The following MOB1B variants were observed in gnomAD, a reference collection of about 807,000 sequenced individuals.
MOB1B encodes MOB1 Mps One Binder homolog B.
A neutral mutation model predicts 24.4 loss-of-function variants in MOB1B; 19 were observed. The ratio of observed to expected loss-of-function variants is 0.78; its 90% CI spans 0.54 to 1.14. MOB1B has a LOEUF of 1.14. Ranked by LOEUF, MOB1B falls within the 50% of genes most tolerant of loss-of-function variation. The probability of loss-of-function intolerance (pLI) is 0.00; values close to 1 mark genes in which losing one functional copy is unlikely to be tolerated. For missense variants in MOB1B, 243 were observed against 259.6 expected (o/e 0.94, Z 0.44); for synonymous variants, 76 against 82.1 (o/e 0.93, Z 0.40).
rs1242105533 is a variant in MOB1B, at chr4:70,982,686, T to A, written c.*629T>A. On this transcript the variant is annotated 3_prime_UTR_variant, in exon 6 of 6. Coordinates refer to ENST00000309395, the MANE Select transcript of MOB1B (RefSeq NM_173468.4). ...TATTTTTTATATTGATGGTAATATATTACGTTCAACAATGCTTAAAGCTCT... is the reference window on the plus strand; with the variant it reads ...TATTTTTTATATTGATGGTAATATAATACGTTCAACAATGCTTAAAGCTCT... 6.6e-6 allele frequency: 1 copy of A among 152,624 alleles called. No individual in the cohort carries two copies. Among genetic ancestry groups the A allele is most frequent in the Non-Finnish European group, 1.5e-5 (1 of 68,018 alleles). 9.5% of individuals were successfully genotyped at this position (152,624 alleles called of 1,614,324 possible). A position where few individuals can be genotyped will look rare whatever the true frequency, so the allele number is the denominator to read the frequency against.
intron 1 of MOB1B, among the ~76,000 whole-genome samples, chr4:70,908,132 TCTC>T (rs1735824419): frequency 6.6e-6 from 1 of 151,466 alleles, no homozygotes; most frequent in African/African-American, 2.4e-5. Flanking sequence ...TTCACGCCAT[TCTC>T]CTGCCTCAGC....
chr4:70,953,718 C>T (rs1316203173), intron 1 of MOB1B, among the ~76,000 whole-genome samples: 8 of 152,114 alleles, frequency 5.3e-5, no homozygotes, highest in Non-Finnish European at 8.8e-5. Context: ...CTAAAGCGGG[C>T]GGATCACTTG....
intron 1 of MOB1B, among the ~76,000 whole-genome samples, chr4:70,941,125 A>G (rs1313876304): frequency 2.0e-5 from 3 of 148,506 alleles, no homozygotes; most frequent in African/African-American, 7.4e-5. Flanking sequence ...CTTTATTTGT[A>G]TCTGGCTATC....
At position 70,904,274 on chromosome 4, in the gene MOB1B, C is replaced by T. The variant is rs1281686128; in HGVS notation, c.14+1724C>T. Among the ~76,000 whole-genome samples the T allele has an allele frequency of 2.0e-5, 3 of 151,890 alleles. No homozygotes were observed. In the East Asian group the frequency reaches 5.8e-4, roughly 30 times the overall value. ...GCTGGGATTACAGACGTGAGCCCAC[C>T]GTGCCTGGGCAGTTTCTTGTTTTAG... is the stretch of plus-strand genomic sequence containing the variant. On this transcript the variant is annotated intron_variant, in intron 1 of 5. Coordinates refer to ENST00000309395, the MANE Select transcript of MOB1B (RefSeq NM_173468.4).
chr4:70,968,280 A>G (rs1372453932), intron 2 of MOB1B, among the ~76,000 whole-genome samples: 1 of 152,204 alleles, frequency 6.6e-6, no homozygotes, highest in Non-Finnish European at 1.5e-5. Context: ...TGGGTATGAC[A>G]TGAGTGAAGA....
In MOB1B at chr4:70,929,604, C is replaced by G. The variant is rs543899803; in HGVS notation, c.14+27054C>G. On this transcript the variant is annotated intron_variant, in intron 1 of 5. Transcript: ENST00000309395. ...CAGATGATCCTCTTACCTCAGCCTC[C>G]TGAGTAGCTGGGACCACAGGTACAC... Among the ~76,000 whole-genome samples the G allele has an allele frequency of 2.0e-5, 3 of 151,986 alleles. No individual in the cohort carries two copies. The South Asian group carries it at 6.2e-4, about 32-fold the overall frequency.
intron 1 of MOB1B, among the ~76,000 whole-genome samples, chr4:70,916,397 G>A (rs1321132584): frequency 6.6e-6 from 1 of 152,200 alleles, no homozygotes; most frequent in East Asian, 1.9e-4. Context: ...ACCTTTGAGA[G>A]AATACAGTGC....
At chr4:70,910,114 C>A (rs1735919183) in intron 1 of MOB1B, among the ~76,000 whole-genome samples, 1 of 151,814 alleles carries the variant, frequency 6.6e-6, no homozygotes. Context: ...TATCTTGGCT[C>A]ACTGCAAACT....
chr4:70,966,866 G>GA (rs111811163), intron 2 of MOB1B, among the ~76,000 whole-genome samples: 1 of 149,966 alleles, frequency 6.7e-6, no homozygotes, highest in Non-Finnish European at 1.5e-5. Context: ...AAATAAATTA[G>GA]AAAAAAAATA....
chr4:70,932,075 G>A (rs940765393), intron 1 of MOB1B, among the ~76,000 whole-genome samples: 4 of 152,076 alleles, frequency 2.6e-5, no homozygotes, highest in Admixed American at 6.6e-5. Context: ...TGTACAATAT[G>A]TAGATATAAC....
chr4:70,960,722 C>T (rs1208385164), intron 2 of MOB1B, among the ~76,000 whole-genome samples: 9 of 152,086 alleles, frequency 5.9e-5, no homozygotes, highest in African/African-American at 9.7e-5. Flanking sequence ...TGAGGCCTGC[C>T]GTATTTCTAA....
intron 1 of MOB1B, among the ~76,000 whole-genome samples, chr4:70,938,105 C>A (rs1443873635): frequency 6.6e-6 from 1 of 151,854 alleles, no homozygotes; most frequent in African/African-American, 2.4e-5. Flanking sequence ...TTAGAAGCTT[C>A]CTTCCAGTGT....
At chr4:70,915,280 A>G (rs1194933010) in intron 1 of MOB1B, among the ~76,000 whole-genome samples, 1 of 152,208 alleles carries the variant, frequency 6.6e-6, no homozygotes, top group Non-Finnish European at 1.5e-5. Context: ...GAGGGTGTCC[A>G]GGTTCTTGAC....
intron 2 of MOB1B, among the ~76,000 whole-genome samples, chr4:70,960,349 C>G (rs1282041602): frequency 6.6e-6 from 1 of 151,386 alleles, no homozygotes; most frequent in African/African-American, 2.4e-5. Context: ...CAGCGTTTTT[C>G]AACATTAGTG....
At chr4:70,980,488 G>A (rs114664452) in intron 5 of MOB1B, among the ~76,000 whole-genome samples, 104 of 152,278 alleles carry the variant, frequency 6.8e-4, no homozygotes, top group African/African-American at 2.4e-3. Context: ...ATCTGATTCT[G>A]TTTGTATCTC....
At chr4:70,978,837 A>G (rs1469905907) in intron 4 of MOB1B, among the ~76,000 whole-genome samples, 2 of 152,158 alleles carry the variant, frequency 1.3e-5, no homozygotes, top group African/African-American at 4.8e-5. Flanking sequence ...AAGCTCCACT[A>G]CCATCTTGGG....
chr4:70,929,040 A>G (rs1470774533), intron 1 of MOB1B, among the ~76,000 whole-genome samples: 1 of 152,172 alleles, frequency 6.6e-6, no homozygotes, highest in African/African-American at 2.4e-5. Flanking sequence ...CATTCCCACT[A>G]TCATTGCATC....
chr4:70,951,555 T>C (rs1737804869), intron 1 of MOB1B, among the ~76,000 whole-genome samples: 5 of 152,208 alleles, frequency 3.3e-5, no homozygotes, highest in Admixed American at 3.3e-4. Context: ...TGCAATGAAT[T>C]ATTAATGTGA....
At chr4:70,915,159 C>G (rs1470167908) in intron 1 of MOB1B, among the ~76,000 whole-genome samples, 2 of 152,092 alleles carry the variant, frequency 1.3e-5, no homozygotes, top group African/African-American at 2.4e-5. Context: ...TAGCCAATTT[C>G]TATCGGTTTG....
Sources: gnomAD v4.1 joint callset for allele counts (sites outside exome capture counted in the v4.1 genomes callset) on GRCh38, gnomAD v4.1.1 for gene constraint, MANE v1.5 for transcripts, NCBI Gene and HGNC (gene_info 2026-07-23, HGNC 2026-07-21) for gene names.